XK: variants seen among roughly 807,000 people sequenced by gnomAD.
XK encodes the protein X-linked Kx blood group antigen, Kell and VPS13A binding protein.
A neutral mutation model predicts 14.0 loss-of-function variants in XK; 2 were observed. That is an observed-to-expected ratio of 0.14 (90% CI 0.06 to 0.45). XK has a LOEUF of 0.45. Ranked by LOEUF, XK falls within the 20% of genes least tolerant of loss-of-function variation. XK has a pLI of 0.98. For missense variants in XK, 235 were observed against 341.5 expected, an observed-to-expected ratio of 0.69 and a Z score of 2.46; for synonymous variants, 149 against 147.5, an observed-to-expected ratio of 1.01 and a Z score of -0.08.
intron 1 of XK, among the ~76,000 whole-genome samples, chrX:37,690,656 C>T (rs782016005): frequency 2.1e-3 from 237 of 112,211 alleles, no homozygotes; most frequent in Non-Finnish European, 3.8e-3. Context: ...TGGAACACAG[C>T]GTTGCTCACT....
At chrX:37,726,062 C>A (rs1434581732) in intron 2 of XK, among the ~76,000 whole-genome samples, 2 of 110,948 alleles carry the variant, frequency 1.8e-5, no homozygotes, top group Admixed American at 1.9e-4. Flanking sequence ...GTGTAATGTC[C>A]AATGCACCCA....
chrX:37,711,700 C>T (rs781834310), intron 2 of XK, among the ~76,000 whole-genome samples: 2 of 111,572 alleles, frequency 1.8e-5, no homozygotes, highest in Non-Finnish European at 3.8e-5. Context: ...CACCTGCACC[C>T]GGATGCTTGC....
intron 2 of XK, among the ~76,000 whole-genome samples, chrX:37,698,103 A>G (rs782262273): frequency 8.9e-6 from 1 of 111,916 alleles, no homozygotes; most frequent in South Asian, 3.8e-4. Flanking sequence ...TACCAATGTT[A>G]CTGTGCTTTG....
chrX:37,704,350 A>T lies in XK; in HGVS notation c.508+9802A>T, dbSNP rs921477155. Among the ~76,000 whole-genome samples the T allele has an allele frequency of 1.2e-4, 13 of 111,563 alleles. 1 individual carries two copies. Among genetic ancestry groups the T allele is most frequent in the African/African-American group, 3.6e-4 (11 of 30,625 alleles). ...GGAGTTCAAGACCACCCTGGGCAAC[A>T]TAGTGAGACCTCCGTCTCTACAAAA... On this transcript the variant is annotated intron_variant, in intron 2 of 2. Coordinates refer to ENST00000378616, the MANE Select transcript of XK (RefSeq NM_021083.4).
chrX:37,712,580 T>C (rs1556446934), intron 2 of XK, among the ~76,000 whole-genome samples: 1 of 111,996 alleles, frequency 8.9e-6, no homozygotes, highest in East Asian at 2.8e-4. Flanking sequence ...AGCGAGAATA[T>C]GGGGTACTTT....
At chrX:37,707,937 A>T (rs1322924568) in intron 2 of XK, among the ~76,000 whole-genome samples, 3 of 112,135 alleles carry the variant, frequency 2.7e-5, no homozygotes, top group Non-Finnish European at 3.8e-5. Context: ...AGTGAACGAG[A>T]CTCCGTCTGC....
At position 37,728,227 on chromosome X, in the gene XK, T is replaced by C; in HGVS notation, c.1100T>C (p.Leu367Pro). Residue 367 changes from leucine to proline, a missense_variant, in exon 3 of 3, where the codon CTT (leucine) becomes CCT (proline). Physicochemically the swap from Leu to Pro is moderately conservative, Grantham distance 98. Coordinates refer to ENST00000378616, the MANE Select transcript of XK (RefSeq NM_021083.4). Reference protein sequence around the residue: ...IGYCTAILFMLVFYQFFHPCK... With the variant: ...IGYCTAILFMPVFYQFFHPCK... ...TACTGCACAGCCATTCTCTTCATGC[T>C]TGTATTCTATCAGTTCTTCCACCCT... is the stretch of plus-strand genomic sequence containing the variant. 1 of 1,211,536 alleles carries C rather than the reference T, an allele frequency of 8.3e-7. No homozygotes were observed. Among genetic ancestry groups the C allele is most frequent in the Non-Finnish European group, 1.1e-6 (1 of 895,415 alleles).
At chrX:37,723,944 C>T (rs1265932261) in intron 2 of XK, among the ~76,000 whole-genome samples, 3 of 111,307 alleles carry the variant, frequency 2.7e-5, no homozygotes, top group Admixed American at 9.5e-5. Context: ...ATTAGCCTCT[C>T]AGGAAAAATA....
At position 37,728,363 on chromosome X, in the gene XK, T is replaced by C; in HGVS notation, c.1236T>C (p.Asp412=). The change falls in exon 3 of 3, where the codon GAT becomes GAC. Residue 412 remains aspartate, a synonymous_variant. Coordinates refer to ENST00000378616, the MANE Select transcript of XK (RefSeq NM_021083.4). ...QKPCEPIGKE[D]LQSSRDRDET... is the part of the protein sequence containing the mutation. ...CCTGTGAGCCGATAGGAAAGGAAGA[T>C]CTACAGTCATCCAGAGATAGAGATG... 1 of 1,210,495 alleles carries C rather than the reference T, an allele frequency of 8.3e-7. No homozygotes were observed. Among genetic ancestry groups the C allele is most frequent in the Non-Finnish European group, 1.1e-6 (1 of 895,325 alleles).
At chrX:37,694,226 G>T in intron 1 of XK, 60 bp from the exon 2 acceptor site, 2 of 1,195,299 alleles carry the variant, frequency 1.7e-6, no homozygotes, top group East Asian at 5.9e-5. Context: ...AGTAGGATGA[G>T]CATGGAAAGT....
rs1380426755 is a variant in XK, at chrX:37,731,916, G to A, written c.*3454G>A. Reference sequence around the variant, plus strand: ...TTAATCTTTTCAGCCTTGTAAATGGGAAAATATATATTAAAATTGATTGTC... The same window carrying A: ...TTAATCTTTTCAGCCTTGTAAATGGAAAAATATATATTAAAATTGATTGTC... On this transcript the variant is annotated 3_prime_UTR_variant, in exon 3 of 3. Transcript: ENST00000378616. The A allele has an allele frequency of 8.9e-6, 1 of 111,878 alleles. No homozygotes were observed. Among genetic ancestry groups the A allele is most frequent in the East Asian group, 2.8e-4 (1 of 3,584 alleles). The allele number at this position is 111,878 out of a possible 1,213,427, so 9.2% of individuals were successfully genotyped here.
chrX:37,686,272 C>T lies in XK; in HGVS notation c.245+66C>T, dbSNP rs959381613. 7.7e-6 allele frequency: 9 copies of T among 1,175,650 alleles called. No homozygotes were observed. The African/African-American group carries it at 1.6e-4, about 21-fold the overall frequency. On this transcript the variant is annotated intron_variant, in intron 1 of 2. Transcript: ENST00000378616. ...CGGTCCTGTAGCCTGATCTCCCCAC[C>T]TGCTCGAGTGGAGGGAGGCGGTTTT...
At chrX:37,702,210 A>G (rs923206675) in intron 2 of XK, among the ~76,000 whole-genome samples, 12 of 111,487 alleles carry the variant, frequency 1.1e-4, no homozygotes, top group African/African-American at 3.9e-4. Context: ...GGAAGCGAGC[A>G]GCTGGGCTAA....
At chrX:37,692,083 T>C (rs1927214563) in intron 1 of XK, among the ~76,000 whole-genome samples, 1 of 112,359 alleles carries the variant, frequency 8.9e-6, no homozygotes, top group East Asian at 2.8e-4. Context: ...AGGGTTTATT[T>C]AATTATTCTT....
intron 2 of XK, among the ~76,000 whole-genome samples, chrX:37,716,593 A>T (rs1927770821): frequency 9.0e-6 from 1 of 111,699 alleles, no homozygotes; most frequent in South Asian, 3.7e-4. Flanking sequence ...GTACATGAGT[A>T]GCTACATTTT....
intron 2 of XK, among the ~76,000 whole-genome samples, chrX:37,705,084 A>G (rs886992296): frequency 8.9e-6 from 1 of 111,901 alleles, no homozygotes; most frequent in Non-Finnish European, 1.9e-5. Flanking sequence ...GTATTTTACT[A>G]TACCTCCATA....
At chrX:37,695,429 T>G (rs1927288856) in intron 2 of XK, among the ~76,000 whole-genome samples, 1 of 108,820 alleles carries the variant, frequency 9.2e-6, no homozygotes, top group African/African-American at 3.5e-5. Context: ...GAGCAGATTT[T>G]GGTTAAGTTA....
Position 37,686,086 on chromosome X carries a change from T to G in XK, c.125T>G (p.Leu42Arg). 1 of 1,211,878 alleles carries G rather than the reference T, an allele frequency of 8.3e-7. No individual in the cohort carries two copies. The highest frequency in any genetic ancestry group is 1.1e-6 in the Non-Finnish European group (1 of 895,527). ...CGCATGTGGCAGGCGCTGACGTTGC[T>G]TTTCTCGCTACTGCCTTGCGCGCTC... ...GDRMWQALTLLFSLLPCALVQ... is the reference protein window; with the variant it reads ...GDRMWQALTLRFSLLPCALVQ... The change falls in exon 1 of 3, where the codon CTT becomes CGT. Residue 42 changes from leucine (L) to arginine (R), a missense_variant. By Grantham distance (102) the Leu-to-Arg change is moderately radical. Transcript: ENST00000378616.
intron 2 of XK, among the ~76,000 whole-genome samples, chrX:37,695,501 G>A (rs1008766095): frequency 2.7e-5 from 3 of 110,988 alleles, no homozygotes; most frequent in African/African-American, 9.8e-5. Context: ...CAAATGAGAA[G>A]TGGAAACAAC....
Sources: gnomAD v4.1 joint callset for allele counts (sites outside exome capture counted in the v4.1 genomes callset) on GRCh38, gnomAD v4.1.1 for gene constraint, MANE v1.5 for transcripts, NCBI Gene and HGNC (gene_info 2026-07-23, HGNC 2026-07-21) for gene names.